Variants in SLC43A3 observed in about 807,000 individuals in gnomAD.
SLC43A3 encodes equilibrative nucleobase transporter 1.
SLC43A3 carries 33 observed loss-of-function variants against 53.3 expected under a neutral mutation model. That is an observed-to-expected ratio of 0.62 (90% CI 0.47 to 0.83). The LOEUF (loss-of-function observed/expected upper bound fraction) is 0.83, where lower values mean the gene tolerates loss of function less well. Ranked by LOEUF, SLC43A3 falls within the 40% of genes least tolerant of loss-of-function variation. The probability of loss-of-function intolerance (pLI) is 0.00; values close to 1 mark genes in which losing one functional copy is unlikely to be tolerated. For missense variants in SLC43A3, 530 were observed against 610.0 expected (o/e 0.87, Z 1.38); for synonymous variants, 236 against 246.2 (o/e 0.96, Z 0.39).
At chr11:57,414,059 C>G (rs1404524455) in intron 11 of SLC43A3, among the ~76,000 whole-genome samples, 3 of 152,210 alleles carry the variant, frequency 2.0e-5, no homozygotes, top group Non-Finnish European at 2.9e-5. Context: ...GACTACCTGC[C>G]TTTCTCCACC....
chr11:57,414,991 G>A lies in SLC43A3; in HGVS notation c.885C>T (p.Leu295=). The A allele has an allele frequency of 6.2e-7, 1 of 1,614,030 alleles. No homozygotes were observed. The highest frequency in any genetic ancestry group is 8.5e-7 in the Non-Finnish European group (1 of 1,180,038). ...GCAAGGAGTTGAGAGTGCCAATGAA[G>A]AGGTAGTGCCACAACTGTATCACAG... ...WLSVIQLWHY[L]FIGTLNSLLT... is the part of the protein sequence containing the mutation. Residue 295 remains leucine (L), a synonymous_variant, in exon 10 of 14, where the codon CTC becomes CTT. Transcript: ENST00000395124.
In SLC43A3 at chr11:57,410,048, G is replaced by A; in HGVS notation, c.1134C>T (p.Gly378=). 1.2e-6 allele frequency: 2 copies of A among 1,612,778 alleles called. No individual in the cohort carries two copies. The highest frequency in any genetic ancestry group is 1.7e-6 in the Non-Finnish European group (2 of 1,179,648). The change falls in exon 12 of 14, where the codon GGC becomes GGT. Residue 378 remains glycine, a synonymous_variant. Transcript: ENST00000395124. ...TGGGGACTGAGGCACAGAGGGCGAA[G>A]CCCAGGCACAGCAGGGATGTCAGGG... The part of the protein sequence containing the change: ...SLALTSLLCL[G]FALCASVPIL...
chr11:57,416,457 C>T, intron 9 of SLC43A3, 116 bp downstream of exon 9: 1 of 737,970 alleles, frequency 1.4e-6, no homozygotes, highest in Non-Finnish European at 2.3e-6. Context: ...GGCCCTTTTT[C>T]TGTCCTGCCT....
In SLC43A3 at chr11:57,407,474, T is replaced by C. The variant is rs1386841064; in HGVS notation, c.*318A>G. 3.9e-6 allele frequency: 1 copy of C among 255,032 alleles called. No homozygotes were observed. The highest frequency in any genetic ancestry group is 2.2e-5 in the African/African-American group (1 of 44,924). The allele number at this position is 255,032 out of a possible 1,614,324, so 15.8% of individuals were successfully genotyped here. A position where few individuals can be genotyped will look rare whatever the true frequency, so the allele number is the denominator to read the frequency against. On this transcript the variant is annotated 3_prime_UTR_variant, in exon 14 of 14. Transcript: ENST00000395124. ...TCGGAGCCAAACAGGCCTAAAGAAA[T>C]AGTTGACACACTTCCTCCCCCAGGT...
At chr11:57,415,359 C>G in intron 9 of SLC43A3, 1 of 1,479,302 alleles carries the variant, frequency 6.8e-7, no homozygotes, top group Non-Finnish European at 9.0e-7. Context: ...TCTCTCACAG[C>G]CTGGTCAATG....
chr11:57,408,818 T>TC (rs1942320459), intron 13 of SLC43A3: 1 of 219,450 alleles, frequency 4.6e-6, no homozygotes, highest in Admixed American at 5.1e-5. Flanking sequence ...CCTCAGAGCA[T>TC]CCCTCCAGGT....
chr11:57,410,205 G>A lies in SLC43A3; in HGVS notation c.1061-84C>T, dbSNP rs976937018. ...AAGGGCCAAGGAAGATTGGAAAAAG[G>A]GGAGGAGCCACTATCCATCCACTGT... On this transcript the variant is annotated intron_variant, in intron 11 of 13. Transcript: ENST00000395124. 10 of 1,133,900 alleles carry A rather than the reference G, an allele frequency of 8.8e-6. No individual in the cohort carries two copies. In the African/African-American group the frequency reaches 1.3e-4, roughly 14 times the overall value. 70.2% of individuals were successfully genotyped at this position (1,133,900 alleles called of 1,614,324 possible).
In SLC43A3 at chr11:57,419,815, A is replaced by AG. The variant is rs1225570849; in HGVS notation, c.531+1156_531+1157insC. Among the ~76,000 whole-genome samples the AG allele has an allele frequency of 2.1e-4, 24 of 112,598 alleles. 1 individual carries two copies. In the East Asian group the frequency reaches 3.0e-3, roughly 14 times the overall value. The allele number at this position is 112,598 out of a possible 152,430, so 73.9% of individuals were successfully genotyped here. ...CAACTCAATAATAAAAAAAAAAAAA[A>AG]AAGAGAGAGGAAAGAAAGATGAGGC... On this transcript the variant is annotated intron_variant, in intron 7 of 13. Transcript: ENST00000395124.
intron 11 of SLC43A3, among the ~76,000 whole-genome samples, chr11:57,411,675 G>C (rs1335012675): frequency 6.6e-6 from 1 of 151,578 alleles, no homozygotes; most frequent in Non-Finnish European, 1.5e-5. Flanking sequence ...TAAAAATAAA[G>C]AAGAAAATAT....
chr11:57,407,920 T>G, intron 13 of SLC43A3, 24 bp from the exon 14 acceptor site: 1 of 1,505,066 alleles, frequency 6.6e-7, no homozygotes, highest in South Asian at 1.1e-5. Flanking sequence ...AGAAGTGAGG[T>G]GAAATCCAGG....
intron 7 of SLC43A3, among the ~76,000 whole-genome samples, chr11:57,418,895 A>C (rs1476826381): frequency 6.7e-6 from 1 of 149,090 alleles, no homozygotes; most frequent in African/African-American, 2.6e-5. Context: ...GTCTCAAAAA[A>C]AAAAAAAGGT....
chr11:57,424,283 C>G (rs1463822518), intron 4 of SLC43A3, among the ~76,000 whole-genome samples: 1 of 152,204 alleles, frequency 6.6e-6, no homozygotes, highest in Non-Finnish European at 1.5e-5. Context: ...CATGGAAAGT[C>G]TTGGACAATG....
rs891619462 is a variant in SLC43A3 at position 57,407,639 on chromosome 11, C to A, written c.*153G>T. The A allele has an allele frequency of 8.6e-6, 5 of 580,784 alleles. No homozygotes were observed. Among genetic ancestry groups the A allele is most frequent in the African/African-American group, 3.8e-5 (2 of 53,132 alleles). 36.0% of individuals were successfully genotyped at this position (580,784 alleles called of 1,614,324 possible). A position where few individuals can be genotyped will look rare whatever the true frequency, so the allele number is the denominator to read the frequency against. On this transcript the variant is annotated 3_prime_UTR_variant, in exon 14 of 14. Coordinates refer to ENST00000395124, the MANE Select transcript of SLC43A3 (RefSeq NM_199329.3). ...GGCAACTGAGATTCTTTTCTTGCTG[C>A]GCAGACGTCCTTGTGTGTCTTTATT...
intron 9 of SLC43A3, 143 bp from the exon 10 acceptor site, chr11:57,415,249 A>G (rs1453280196): frequency 6.5e-7 from 1 of 1,536,498 alleles, no homozygotes; most frequent in African/African-American, 1.4e-5. Context: ...CGTGCTCTGC[A>G]CCTGCCTCGG....
intron 8 of SLC43A3, 32 bp downstream of exon 8, chr11:57,417,716 G>A: frequency 1.2e-6 from 2 of 1,613,038 alleles, no homozygotes; most frequent in Non-Finnish European, 1.7e-6. Flanking sequence ...CCAATGAGGG[G>A]CTCTGGCCCA....
At chr11:57,424,100 C>T in intron 4 of SLC43A3, 72 bp from the exon 5 acceptor site, 1 of 1,450,424 alleles carries the variant, frequency 6.9e-7, no homozygotes, top group Non-Finnish European at 9.6e-7. Flanking sequence ...CATGATTCTG[C>T]TCAGCCAGCC....
At chr11:57,420,733 C>A (rs767853512) in intron 7 of SLC43A3, among the ~76,000 whole-genome samples, 1 of 152,224 alleles carries the variant, frequency 6.6e-6, no homozygotes, top group East Asian at 1.9e-4. Flanking sequence ...AGGGGCTTAG[C>A]GGTTACAAGC....
In SLC43A3 at chr11:57,420,990, T is replaced by C. The variant is rs1384889110; in HGVS notation, c.513A>G (p.Ala171=). ...TATTTACCTTAATAATAAGGAAGAC[T>C]GCCGAGGAAGAGTCAAATGCTCCAT... is the stretch of plus-strand genomic sequence containing the variant. ...LYNGAFDSSS[A]VFLIIKLLYE... The change falls in exon 7 of 14, where the codon GCA becomes GCG. Residue 171 remains alanine (A), a synonymous_variant. Coordinates refer to ENST00000395124, the MANE Select transcript of SLC43A3 (RefSeq NM_199329.3). 1.2e-6 allele frequency: 2 copies of C among 1,612,536 alleles called. No individual in the cohort carries two copies. Among genetic ancestry groups the C allele is most frequent in the African/African-American group, 1.3e-5 (1 of 75,026 alleles).
chr11:57,413,663 A>T (rs1467363914), intron 11 of SLC43A3, among the ~76,000 whole-genome samples: 3 of 151,912 alleles, frequency 2.0e-5, no homozygotes, highest in Non-Finnish European at 4.4e-5. Context: ...GCATACCTCT[A>T]CTCCTCCAAC....
Sources: allele counts gnomAD v4.1 joint callset (sites outside exome capture counted in the v4.1 genomes callset), GRCh38; gene constraint gnomAD v4.1.1; transcripts MANE v1.5; gene names NCBI Gene and HGNC (gene_info 2026-07-23, HGNC 2026-07-21).